The following UBN2 variants were observed in gnomAD, a reference collection of about 807,000 sequenced individuals.
UBN2 encodes ubinuclein 2, also known as ubinuclein-2.
A neutral mutation model predicts 120.2 loss-of-function variants in UBN2; 35 were observed. That is an observed-to-expected ratio of 0.29 (90% CI 0.22 to 0.39). The LOEUF (loss-of-function observed/expected upper bound fraction) is 0.39. Ranked by LOEUF, UBN2 falls within the 10% of genes least tolerant of loss-of-function variation. UBN2 has a pLI of 1.00. For missense variants in UBN2, 1,693 were observed against 1,663.2 expected, an observed-to-expected ratio of 1.02 and a Z score of -0.31; for synonymous variants, 661 against 648.7, an observed-to-expected ratio of 1.02 and a Z score of -0.29.
Position 139,278,067 on chromosome 7 carries a change from G to T in UBN2, c.2025-1251G>T, listed in dbSNP as rs537357377. On this transcript the variant is annotated intron_variant, in intron 12 of 17. Coordinates refer to ENST00000473989, the MANE Select transcript of UBN2 (RefSeq NM_173569.4). ...GTGGAAATTGAAAACTGTGGATAAG[G>T]GGGGCTACTGTAGTTCTAAAGCCAT... Among the ~76,000 whole-genome samples the T allele has an allele frequency of 2.0e-5, 3 of 152,274 alleles. No homozygotes were observed. In the South Asian group the frequency reaches 6.2e-4, roughly 32 times the overall value.
In UBN2 at chr7:139,283,660, G is replaced by A. The variant is rs1461868594; in HGVS notation, c.2755G>A (p.Asp919Asn). 1 of 1,614,138 alleles carries A rather than the reference G, an allele frequency of 6.2e-7. No homozygotes were observed. The highest frequency in any genetic ancestry group is 1.1e-5 in the South Asian group (1 of 91,084). ...TGCTCTGGGAACATCCGAGGCCCAAGATGCTTCTTCGTTAACACAAGTAAC... is the reference window on the plus strand; with the variant it reads ...TGCTCTGGGAACATCCGAGGCCCAAAATGCTTCTTCGTTAACACAAGTAAC... ...SHALGTSEAQ[D>N]ASSLTQVTKV... is the part of the protein sequence containing the mutation. The change falls in exon 15 of 18, where the codon GAT becomes AAT. Residue 919 changes from aspartate to asparagine, a missense_variant. Around this residue, in one of 5 missense-constraint regions of UBN2, gnomAD observed 837 missense variants for 817.6 expected, o/e 1.02. Coordinates refer to ENST00000473989, the MANE Select transcript of UBN2 (RefSeq NM_173569.4).
chr7:139,325,261 CTTTTTT>C, the UBN2 span, among the ~76,000 whole-genome samples: 1 of 90,850 alleles, frequency 1.1e-5, no homozygotes, highest in Non-Finnish European at 2.0e-5. Flanking sequence ...GAAATCACTG[CTTTTTT>C]TTTTTTTTTT....
the UBN2 span, among the ~76,000 whole-genome samples, chr7:139,318,772 C>T: frequency 6.6e-6 from 1 of 152,110 alleles, no homozygotes; most frequent in East Asian, 1.9e-4. Flanking sequence ...ATTACCAACC[C>T]AAGACTGACC....
At position 139,284,323 on chromosome 7, in the gene UBN2, A is replaced by C. The variant is rs1473482715; in HGVS notation, c.3418A>C (p.Thr1140Pro). 1 of 1,614,152 alleles carries C rather than the reference A, an allele frequency of 6.2e-7. No individual in the cohort carries two copies. Among genetic ancestry groups the C allele is most frequent in the East Asian group, 2.2e-5 (1 of 44,882 alleles). Reference sequence around the variant, plus strand: ...TAGTCGCACTTCAGGCCTTCCACCTACAAAAAATCTTCAGGCCCCCTCAAA... The same window carrying C: ...TAGTCGCACTTCAGGCCTTCCACCTCCAAAAAATCTTCAGGCCCCCTCAAA... ...PSSRTSGLPP[T>P]KNLQAPSKLT... The change falls in exon 15 of 18, where the codon ACA becomes CCA. Residue 1140 changes from threonine to proline, a missense_variant. Coordinates refer to ENST00000473989, the MANE Select transcript of UBN2 (RefSeq NM_173569.4).
In UBN2 at chr7:139,302,352, A is replaced by G. The variant is rs931718603; in HGVS notation, c.*4516A>G. ...TGTTTGCAAAACTTCTGCCTTGTTT[A>G]TTCCATTGCTTTTAGTTGATTAAAG... On this transcript the variant is annotated 3_prime_UTR_variant, in exon 18 of 18. Coordinates refer to ENST00000473989, the MANE Select transcript of UBN2 (RefSeq NM_173569.4). 1 of 152,196 alleles carries G rather than the reference A, an allele frequency of 6.6e-6. No individual in the cohort carries two copies. The highest frequency in any genetic ancestry group is 1.5e-5 in the Non-Finnish European group (1 of 68,034). The allele number at this position is 152,196 out of a possible 1,614,324, so 9.4% of individuals were successfully genotyped here.
chr7:139,303,333 G>A lies in UBN2; in HGVS notation c.*5497G>A, dbSNP rs375030185. 3.3e-5 allele frequency: 5 copies of A among 152,114 alleles called. No individual in the cohort carries two copies. Among genetic ancestry groups the A allele is most frequent in the African/African-American group, 9.7e-5 (4 of 41,406 alleles). The allele number at this position is 152,114 out of a possible 1,614,324, so 9.4% of individuals were successfully genotyped here. On this transcript the variant is annotated 3_prime_UTR_variant, in exon 18 of 18. Transcript: ENST00000473989. The stretch of plus-strand genomic sequence containing the variant: ...AAAACAAATAGATGTGACATGTTAA[G>A]GGAGACCAAGTTGAACCATCCCTCA...
the UBN2 span, among the ~76,000 whole-genome samples, chr7:139,328,018 C>T: frequency 6.6e-6 from 1 of 152,164 alleles, no homozygotes; most frequent in Non-Finnish European, 1.5e-5. Flanking sequence ...CAGATTAATT[C>T]ATTCTCCTTA....
At chr7:139,309,114 G>A (rs115144855), downstream of UBN2, among the ~76,000 whole-genome samples, 1,139 of 152,310 alleles carry the variant, frequency 7.5e-3, 16 homozygotes, top group African/African-American at 0.026. Flanking sequence ...ACGATGAAGA[G>A]AGAGAAAGCA....
intron 2 of UBN2, among the ~76,000 whole-genome samples, chr7:139,241,233 C>T (rs764238754): frequency 1.3e-5 from 2 of 152,126 alleles, no homozygotes; most frequent in Non-Finnish European, 1.5e-5. Flanking sequence ...ATTTTTTTCT[C>T]ACTCCATTAC....
At chr7:139,319,484 G>A in the UBN2 span, among the ~76,000 whole-genome samples, 3 of 152,188 alleles carry the variant, frequency 2.0e-5, no homozygotes, top group Non-Finnish European at 4.4e-5. Flanking sequence ...AGCCAGTTGT[G>A]CAGATGCTCA....
intron 16 of UBN2, 146 bp downstream of exon 16, chr7:139,293,609 TAGTA>T: frequency 1.4e-6 from 1 of 718,732 alleles, no homozygotes; most frequent in Non-Finnish European, 2.3e-6. Flanking sequence ...AGTTTATATA[TAGTA>T]AGTCAAATTA....
intron 2 of UBN2, among the ~76,000 whole-genome samples, chr7:139,245,876 A>G (rs1796456012): frequency 6.6e-6 from 1 of 152,174 alleles, no homozygotes; most frequent in Admixed American, 6.5e-5. Context: ...GTTTGAATGG[A>G]TGAAGTGTTC....
At position 139,299,371 on chromosome 7, in the gene UBN2, G is replaced by A. The variant is rs1798200999; in HGVS notation, c.*1535G>A. 6.6e-6 allele frequency: 1 copy of A among 152,178 alleles called. No homozygotes were observed. The highest frequency in any genetic ancestry group is 2.1e-4 in the South Asian group (1 of 4,822). 9.4% of individuals were successfully genotyped at this position (152,178 alleles called of 1,614,324 possible). Reference sequence around the variant, plus strand: ...TATTATACATTACCCTATACCATTAGATTTACTCAATTAAGAGTATTAACC... The same window carrying A: ...TATTATACATTACCCTATACCATTAAATTTACTCAATTAAGAGTATTAACC... On this transcript the variant is annotated 3_prime_UTR_variant, in exon 18 of 18. Transcript: ENST00000473989.
intron 6 of UBN2, among the ~76,000 whole-genome samples, chr7:139,265,664 T>C (rs1648893606): frequency 6.6e-6 from 1 of 152,116 alleles, no homozygotes; most frequent in African/African-American, 2.4e-5. Context: ...ATCACTTGTA[T>C]GCTTAGAAGA....
rs754157763 is a variant in UBN2, at chr7:139,284,536, A to G, written c.3631A>G (p.Thr1211Ala). The change falls in exon 15 of 18, where the codon ACT (threonine) becomes GCT (alanine). Residue 1211 changes from threonine to alanine, a missense_variant. Transcript: ENST00000473989. The part of the protein sequence containing the change: ...KPLSTPHRPS[T>A]ASGSSVVTAS... ...ATTGTCTACTCCACATAGACCATCC[A>G]CTGCCTCAGGGTCTTCAGTGGTAAC... The G allele has an allele frequency of 3.7e-6, 6 of 1,613,462 alleles. No individual in the cohort carries two copies. The highest frequency in any genetic ancestry group is 4.2e-6 in the Non-Finnish European group (5 of 1,179,914).
At position 139,283,192 on chromosome 7, in the gene UBN2, C is replaced by T. The variant is rs1185851982; in HGVS notation, c.2287C>T (p.His763Tyr). 2 of 1,612,570 alleles carry T rather than the reference C, an allele frequency of 1.2e-6. No individual in the cohort carries two copies. Among genetic ancestry groups the T allele is most frequent in the Admixed American group, 3.4e-5 (2 of 59,648 alleles). ...CTCACTAGATGAAGACCTTTCTTTC[C>T]ATTCACCTTCACTGGATCTTGTTTC... ...DDSLDEDLSF[H>Y]SPSLDLVSEA... Residue 763 changes from histidine to tyrosine, a missense_variant, in exon 15 of 18, where the codon CAT becomes TAT. His to Tyr is a moderately conservative substitution (Grantham distance 83). Around this residue, in one of 5 missense-constraint regions of UBN2, gnomAD observed 837 missense variants for 817.6 expected, o/e 1.02. Coordinates refer to ENST00000473989, the MANE Select transcript of UBN2 (RefSeq NM_173569.4).
chr7:139,231,994 T>C, intron 1 of UBN2, 42 bp downstream of exon 1: 1 of 1,554,720 alleles, frequency 6.4e-7, no homozygotes. Context: ...CCCGGGAGCC[T>C]CAGGACCCGC....
At chr7:139,272,003 A>G (rs1321192751) in intron 8 of UBN2, among the ~76,000 whole-genome samples, 1 of 152,228 alleles carries the variant, frequency 6.6e-6, no homozygotes, top group African/African-American at 2.4e-5. Flanking sequence ...AGTAGAATAC[A>G]ATGATTTTGT....
rs1234887292 is a variant in UBN2 at position 139,231,670 on chromosome 7, C to T, written c.186C>T (p.Asp62=). 6 of 1,188,728 alleles carry T rather than the reference C, an allele frequency of 5.0e-6. No individual in the cohort carries two copies. Among genetic ancestry groups the T allele is most frequent in the Non-Finnish European group, 6.2e-6 (6 of 963,164 alleles). The allele number at this position is 1,188,728 out of a possible 1,614,324, so 73.6% of individuals were successfully genotyped here. The change falls in exon 1 of 18, where the codon GAC becomes GAT. Residue 62 remains aspartate, a synonymous_variant. Coordinates refer to ENST00000473989, the MANE Select transcript of UBN2 (RefSeq NM_173569.4). The stretch of plus-strand genomic sequence containing the variant: ...CGCGGGAGCCTGCCCCCCGCTCGGA[C>T]GCGCAGCCCCCGTCGCGGGAGAAGC... ...PAPREPAPRS[D]AQPPSREKPL...
Sources: allele counts gnomAD v4.1 joint callset (sites outside exome capture counted in the v4.1 genomes callset), GRCh38; gene constraint gnomAD v4.1.1; regional missense constraint gnomAD v4.1.1; transcripts MANE v1.5; gene names NCBI Gene and HGNC (gene_info 2026-07-23, HGNC 2026-07-21).